Variants in PEX2 observed in about 807,000 individuals in gnomAD.
PEX2 encodes peroxisomal biogenesis factor 2.
In PEX2, 19 loss-of-function variants were observed where a neutral mutation model predicts 25.2. The ratio of observed to expected loss-of-function variants is 0.75; its 90% CI spans 0.53 to 1.10. The LOEUF is 1.10. Ranked by LOEUF, PEX2 falls within the 50% of genes least tolerant of loss-of-function variation. PEX2 has a pLI of 0.00. For missense variants in PEX2, 347 were observed against 350.6 expected (o/e 0.99, Z 0.08); for synonymous variants, 141 against 127.7 (o/e 1.10, Z -0.70).
In PEX2 at chr8:76,983,414, G is replaced by A. The variant is rs2132043163; in HGVS notation, c.765C>T (p.His255=). ...ALCGEWPTMP[H]TIGCEHIFCY... is the part of the protein sequence containing the mutation. ...AGAAAATATGCTCACATCCTATGGT[G>A]TGAGGCATGGTGGGCCACTCTCCAC... Residue 255 remains histidine, a synonymous_variant, in exon 4 of 4, where the codon CAC becomes CAT. Coordinates refer to ENST00000357039, the MANE Select transcript of PEX2 (RefSeq NM_000318.3). 1 of 1,614,124 alleles carries A rather than the reference G, an allele frequency of 6.2e-7. No individual in the cohort carries two copies. Among genetic ancestry groups the A allele is most frequent in the African/African-American group, 1.3e-5 (1 of 75,052 alleles).
Position 76,982,113 on chromosome 8 carries a change from TA to T in PEX2, c.*1147del, listed in dbSNP as rs869207580. The stretch of plus-strand genomic sequence containing the variant: ...TTAAAAACATTTAAAAACTGTTTTT[TA>T]AAAAACATTCTAGTTAAGACGAGAT... On this transcript the variant is annotated 3_prime_UTR_variant, in exon 4 of 4. Coordinates refer to ENST00000357039, the MANE Select transcript of PEX2 (RefSeq NM_000318.3). The T allele has an allele frequency of 8.5e-5, 13 of 152,202 alleles. No homozygotes were observed. Among genetic ancestry groups the T allele is most frequent in the Non-Finnish European group, 1.3e-4 (9 of 68,034 alleles). The allele number at this position is 152,202 out of a possible 1,614,324, so 9.4% of individuals were successfully genotyped here.
intron 1 of PEX2, among the ~76,000 whole-genome samples, chr8:76,997,885 G>C (rs1807384558): frequency 6.6e-6 from 1 of 152,158 alleles, no homozygotes. Flanking sequence ...CTACAGGGCT[G>C]GGTTTAAAAG....
chr8:76,999,145 G>C (rs558330039), intron 1 of PEX2, among the ~76,000 whole-genome samples: 1 of 152,108 alleles, frequency 6.6e-6, no homozygotes, highest in African/African-American at 2.4e-5. Flanking sequence ...ATTAAGTAAA[G>C]GTAACACTTT....
chr8:76,984,007 CT>C lies in PEX2; in HGVS notation c.171del (p.Ala58ArgfsTer24). 1 of 1,614,068 alleles carries C rather than the reference CT, an allele frequency of 6.2e-7. No homozygotes were observed. Among genetic ancestry groups the C allele is most frequent in the Non-Finnish European group, 8.5e-7 (1 of 1,179,934 alleles). The part of the protein sequence containing the change: ...GLLARFEPEV[K>X]ACLWVFLWRF... ...CTCCACAAGAAAACCCATAAGCACGCTTTCACCTCTGGCTCAAAGCGAGCTA... is the reference window on the plus strand; with the variant it reads ...CTCCACAAGAAAACCCATAAGCACGCTTCACCTCTGGCTCAAAGCGAGCTA... On this transcript the variant is annotated frameshift_variant, in exon 4 of 4. Coordinates refer to ENST00000357039, the MANE Select transcript of PEX2 (RefSeq NM_000318.3). LOFTEE classifies it high-confidence loss of function.
Position 76,983,621 on chromosome 8 carries a change from A to C in PEX2, c.558T>G (p.Val186=). 6.2e-7 allele frequency: 1 copy of C among 1,613,986 alleles called. No homozygotes were observed. The highest frequency in any genetic ancestry group is 8.5e-7 in the Non-Finnish European group (1 of 1,179,830). The change falls in exon 4 of 4, where the codon GTT becomes GTG. Residue 186 remains valine, a synonymous_variant. Transcript: ENST00000357039. ...GTTCCCTATTCATGTATTCAAAGCC[A>C]ACTTCACATATGTTTTGAGGCTTGC... ...VFCKPQNICE[V]GFEYMNRELL...
intron 1 of PEX2, among the ~76,000 whole-genome samples, chr8:76,991,364 T>C (rs2132054096): frequency 6.6e-6 from 1 of 152,332 alleles, no homozygotes; most frequent in African/African-American, 2.4e-5. Context: ...TTTAACATTT[T>C]TTTCTTTCTT....
At chr8:76,999,753 T>C (rs1386725838) in intron 1 of PEX2, 1 of 370,094 alleles carries the variant, frequency 2.7e-6, no homozygotes, top group East Asian at 9.4e-5. Flanking sequence ...ACTGCAGCTG[T>C]GTGTGTGTTT....
At chr8:76,991,364 TTTTC>T (rs1807164748) in intron 1 of PEX2, among the ~76,000 whole-genome samples, 1 of 152,216 alleles carries the variant, frequency 6.6e-6, no homozygotes. Flanking sequence ...TTTAACATTT[TTTTC>T]TTTCTTCTTT....
In PEX2 at chr8:76,983,915, A is replaced by C. The variant is rs1207971095; in HGVS notation, c.264T>G (p.Asp88Glu). 6.2e-7 allele frequency: 1 copy of C among 1,614,006 alleles called. No homozygotes were observed. ...QSVLNIKYKN[D>E]FSPNLRYQPP... ...GCTGATATCTCAGGTTAGGGGAAAA[A>C]TCATTTTTGTACTTAATATTCAAAA... is the stretch of plus-strand genomic sequence containing the variant. The change falls in exon 4 of 4, where the codon GAT becomes GAG. Residue 88 changes from aspartate (D) to glutamate (E), a missense_variant. Physicochemically the swap from Asp to Glu is conservative, Grantham distance 45 (BLOSUM62 2). Coordinates refer to ENST00000357039, the MANE Select transcript of PEX2 (RefSeq NM_000318.3).
intron 1 of PEX2, among the ~76,000 whole-genome samples, chr8:76,992,270 C>T (rs1807193657): frequency 6.6e-6 from 1 of 152,152 alleles, no homozygotes; most frequent in African/African-American, 2.4e-5. Flanking sequence ...CATAGTTGTG[C>T]CTGTTATCTT....
At chr8:76,990,817 A>T (rs138344941) in intron 1 of PEX2, among the ~76,000 whole-genome samples, 4 of 152,244 alleles carry the variant, frequency 2.6e-5, no homozygotes, top group Admixed American at 1.3e-4. Context: ...ATAATAAAAA[A>T]AAGTCTGAAA....
At chr8:76,999,968 G>T (rs1268933563) in intron 1 of PEX2, 22 bp downstream of exon 1, 13 of 456,472 alleles carry the variant, frequency 2.8e-5, no homozygotes, top group Non-Finnish European at 5.7e-5. Flanking sequence ...TTGCACTCCG[G>T]CTCTCTAGGG....
At chr8:76,987,449 AGC>A (rs1807039232) in intron 2 of PEX2, among the ~76,000 whole-genome samples, 1 of 152,190 alleles carries the variant, frequency 6.6e-6, no homozygotes, top group African/African-American at 2.4e-5. Flanking sequence ...GCTGGAAAGA[AGC>A]AGGAGACAGG....
chr8:77,000,733 G>A (rs1219993291), upstream of PEX2: 2 of 152,268 alleles, frequency 1.3e-5, no homozygotes, highest in East Asian at 3.9e-4. Context: ...CCCGTAGAGC[G>A]GGCCAGCGCG....
At chr8:77,000,190 A>C (rs962615697), upstream of PEX2, 4 of 302,790 alleles carry the variant, frequency 1.3e-5, no homozygotes, top group South Asian at 2.5e-5. Flanking sequence ...GGCGCTGCTG[A>C]AGGCACTGGA....
Position 76,983,489 on chromosome 8 carries a change from T to C in PEX2, c.690A>G (p.Ala230=), listed in dbSNP as rs1301276842. The change falls in exon 4 of 4, where the codon GCA becomes GCG. Residue 230 remains alanine (A), a synonymous_variant. Coordinates refer to ENST00000357039, the MANE Select transcript of PEX2 (RefSeq NM_000318.3). ...LSSWCIPLTG[A]PNSDNTLATS... is the part of the protein sequence containing the mutation. ...TGGCTAATGTATTGTCACTATTAGG[T>C]GCACCAGTAAGAGGAATACACCATG... 2.5e-6 allele frequency: 4 copies of C among 1,614,102 alleles called. No homozygotes were observed. Among genetic ancestry groups the C allele is most frequent in the Non-Finnish European group, 2.5e-6 (3 of 1,179,980 alleles).
intron 1 of PEX2, among the ~76,000 whole-genome samples, chr8:76,994,959 A>G (rs1160822836): frequency 6.6e-6 from 1 of 152,200 alleles, no homozygotes; most frequent in Non-Finnish European, 1.5e-5. Context: ...AATGTATTGA[A>G]ATCAATACTA....
Position 76,980,420 on chromosome 8 carries a change from T to G in PEX2, c.*2841A>C, listed in dbSNP as rs781372258. On this transcript the variant is annotated 3_prime_UTR_variant, in exon 4 of 4. Coordinates refer to ENST00000357039, the MANE Select transcript of PEX2 (RefSeq NM_000318.3). ...TAAGGCAAATGTAGACTCTAACTAGTAGAGATCTGCCAGCATCCACCCTTC... is the reference window on the plus strand; with the variant it reads ...TAAGGCAAATGTAGACTCTAACTAGGAGAGATCTGCCAGCATCCACCCTTC... 1.3e-5 allele frequency: 2 copies of G among 152,216 alleles called. No homozygotes were observed. The allele number at this position is 152,216 out of a possible 1,614,324, so 9.4% of individuals were successfully genotyped here. A position where few individuals can be genotyped will look rare whatever the true frequency, so the allele number is the denominator to read the frequency against.
chr8:76,991,838 T>C (rs531704041), intron 1 of PEX2, among the ~76,000 whole-genome samples: 2 of 152,306 alleles, frequency 1.3e-5, no homozygotes, highest in East Asian at 1.9e-4. Flanking sequence ...AACCAGATAA[T>C]GTTACGAAAG....
Sources: gnomAD v4.1 joint callset for allele counts (sites outside exome capture counted in the v4.1 genomes callset) on GRCh38, gnomAD v4.1.1 for gene constraint, MANE v1.5 for transcripts, NCBI Gene and HGNC (gene_info 2026-07-23, HGNC 2026-07-21) for gene names.